Variants in ANKFN1 observed in about 807,000 individuals in gnomAD.
ANKFN1 encodes ankyrin repeat and fibronectin type-III domain-containing protein 1.
In ANKFN1, 74 loss-of-function variants were observed where a neutral mutation model predicts 108.7. The observed-to-expected ratio is 0.68, with a 90% CI of 0.56 to 0.83. ANKFN1 has a LOEUF of 0.83. ANKFN1 is among the 40% of genes least tolerant of loss of function. The pLI, the probability that ANKFN1 is intolerant of heterozygous loss-of-function variation, is 0.00. For synonymous variants in ANKFN1, 547 were observed against 516.2 expected (o/e 1.06, Z -0.81); for missense variants, 1,505 against 1,382.3 (o/e 1.09, Z -1.41).
chr17:56,338,988 T>C lies in ANKFN1; in HGVS notation c.189-11778T>C, dbSNP rs376814210. 3.5e-4 allele frequency among the ~76,000 whole-genome samples: 53 copies of C among 152,184 alleles called. 1 individual carries two copies. In the East Asian group the frequency reaches 8.7e-3, roughly 25 times the overall value. Reference sequence around the variant, plus strand: ...TCCAATTTCCAGCCAGTGCCTCCCATTGGGTGGGCAATATCAAGGCTTCTA... The same window carrying C: ...TCCAATTTCCAGCCAGTGCCTCCCACTGGGTGGGCAATATCAAGGCTTCTA... On this transcript the variant is annotated intron_variant, in intron 4 of 20. Coordinates refer to ENST00000682825, the MANE Select transcript of ANKFN1 (RefSeq NM_001370326.1).
chr17:56,462,605 A>C (rs2049943396), intron 14 of ANKFN1, among the ~76,000 whole-genome samples: 2 of 152,348 alleles, frequency 1.3e-5, no homozygotes, highest in South Asian at 4.1e-4. Flanking sequence ...ACAAAAAAAT[A>C]AAATAAAATA....
chr17:56,155,301 A>T (rs1908998610), intron 1 of ANKFN1, among the ~76,000 whole-genome samples: 1 of 152,146 alleles, frequency 6.6e-6, no homozygotes, highest in Admixed American at 6.5e-5. Context: ...ACAAAGCAGT[A>T]CTGTCATTTG....
At chr17:56,048,884 G>T (rs899898118) in intron 4 of ANKFN1, among the ~76,000 whole-genome samples, 2 of 152,204 alleles carry the variant, frequency 1.3e-5, no homozygotes, top group African/African-American at 4.8e-5. Flanking sequence ...AGGATTTGAA[G>T]CTGATGTCTG....
chr17:56,313,676 G>T (rs1288524840), intron 3 of ANKFN1, among the ~76,000 whole-genome samples: 1 of 152,138 alleles, frequency 6.6e-6, no homozygotes, highest in Admixed American at 6.5e-5. Context: ...TCTATCAAAT[G>T]ATAACAACTC....
At chr17:56,468,888 T>G (rs1163627845) in intron 15 of ANKFN1, among the ~76,000 whole-genome samples, 3 of 152,120 alleles carry the variant, frequency 2.0e-5, no homozygotes, top group Admixed American at 6.5e-5. Flanking sequence ...TCTTCACCTT[T>G]TATAAGCAAG....
At chr17:56,139,644 A>T (rs1219689555) in intron 4 of ANKFN1, among the ~76,000 whole-genome samples, 2 of 152,188 alleles carry the variant, frequency 1.3e-5, no homozygotes, top group Non-Finnish European at 2.9e-5. Context: ...TTAACGGAAC[A>T]GTCAAACTCA....
chr17:56,510,603 G>A lies in ANKFN1; in HGVS notation c.2775G>A (p.Ala925=), dbSNP rs756457420. ...DLVYLSSHDI[A]QQTLSGLSGS... ...TCTACCTATCATCTCACGACATTGC[G>A]CAGCAGACCCTTAGCGGCCTAAGCG... The change falls in exon 21 of 21, where the codon GCG becomes GCA. Residue 925 remains alanine (A), a synonymous_variant. Transcript: ENST00000682825. 12 of 1,536,042 alleles carry A rather than the reference G, an allele frequency of 7.8e-6. No individual in the cohort carries two copies. Among genetic ancestry groups the A allele is most frequent in the East Asian group, 2.4e-5 (1 of 40,926 alleles).
intron 6 of ANKFN1, 46 bp from the exon 7 acceptor site, chr17:56,372,600 A>G: frequency 6.5e-7 from 1 of 1,537,594 alleles, no homozygotes; most frequent in Non-Finnish European, 8.9e-7. Context: ...ATGAAGCAGC[A>G]TTTCCCCAGA....
At chr17:56,502,571 C>T (rs958166783) in intron 20 of ANKFN1, among the ~76,000 whole-genome samples, 6 of 152,080 alleles carry the variant, frequency 3.9e-5, no homozygotes, top group African/African-American at 1.4e-4. Context: ...AGTGTCCTAC[C>T]CCTCACAAAA....
chr17:56,477,712 C>A, intron 16 of ANKFN1, 58 bp downstream of exon 16: 2 of 1,560,660 alleles, frequency 1.3e-6, no homozygotes, highest in South Asian at 1.2e-5. Context: ...AAGTGACCAG[C>A]TTGATGTGCC....
intron 8 of ANKFN1, among the ~76,000 whole-genome samples, chr17:56,397,539 G>A (rs756824819): frequency 4.6e-5 from 7 of 152,152 alleles, no homozygotes; most frequent in East Asian, 1.9e-4. Flanking sequence ...TGATGAACCC[G>A]TCAAGAAAAA....
At chr17:56,157,314 A>C (rs1220699883) in intron 1 of ANKFN1, among the ~76,000 whole-genome samples, 3 of 152,216 alleles carry the variant, frequency 2.0e-5, no homozygotes, top group Non-Finnish European at 4.4e-5. Flanking sequence ...AGGGCTCAGG[A>C]AATGAGCAAT....
At chr17:56,187,893 G>A (rs1313445794) in intron 1 of ANKFN1, among the ~76,000 whole-genome samples, 1 of 151,810 alleles carries the variant, frequency 6.6e-6, no homozygotes, top group East Asian at 1.9e-4. Context: ...GAGAACACTT[G>A]GACACAGGTT....
At chr17:56,193,187 G>A (rs1241431510) in intron 1 of ANKFN1, among the ~76,000 whole-genome samples, 2 of 117,980 alleles carry the variant, frequency 1.7e-5, no homozygotes, top group Non-Finnish European at 3.4e-5. Context: ...TCACTCATAG[G>A]TGGGAATTGA....
At chr17:56,298,202 T>A (rs556581872) in intron 3 of ANKFN1, among the ~76,000 whole-genome samples, 317 of 152,320 alleles carry the variant, frequency 2.1e-3, no homozygotes, top group South Asian at 5.6e-3. Flanking sequence ...CCCAAATCAA[T>A]GGAAAATACA....
At chr17:56,420,822 C>T (rs1010747856) in intron 8 of ANKFN1, among the ~76,000 whole-genome samples, 1 of 151,972 alleles carries the variant, frequency 6.6e-6, no homozygotes, top group African/African-American at 2.4e-5. Flanking sequence ...ATTCTCCTGC[C>T]TCAGCCTCCC....
chr17:56,353,160 G>C (rs1302287454), intron 5 of ANKFN1, among the ~76,000 whole-genome samples: 1 of 152,016 alleles, frequency 6.6e-6, no homozygotes, highest in Admixed American at 6.6e-5. Flanking sequence ...GGGAAGTAAT[G>C]GGGTACACTT....
intron 4 of ANKFN1, among the ~76,000 whole-genome samples, chr17:56,064,443 C>A (rs1011722384): frequency 6.6e-6 from 1 of 152,192 alleles, no homozygotes; most frequent in African/African-American, 2.4e-5. Flanking sequence ...TTATCGGAGT[C>A]CCTGCAGGGA....
intron 15 of ANKFN1, 80 bp from the exon 16 acceptor site, chr17:56,477,408 C>G: frequency 1.5e-6 from 2 of 1,356,770 alleles, no homozygotes; most frequent in Non-Finnish European, 1.9e-6. Context: ...GACAAGCCTT[C>G]CTTAGAAAGG....
Sources: gnomAD v4.1 joint callset for allele counts (sites outside exome capture counted in the v4.1 genomes callset) on GRCh38, gnomAD v4.1.1 for gene constraint, MANE v1.5 for transcripts, NCBI Gene and HGNC (gene_info 2026-07-23, HGNC 2026-07-21) for gene names.